Variants in CDH13 observed in about 807,000 individuals in gnomAD.
CDH13 encodes the protein cadherin-13.
CDH13 carries 24 observed loss-of-function variants against 63.8 expected under a neutral mutation model. That is an observed-to-expected ratio of 0.38 (90% CI 0.27 to 0.53). The LOEUF (loss-of-function observed/expected upper bound fraction) is 0.53, where lower values mean the gene tolerates loss of function less well. Among genes scored for constraint, CDH13 ranks in the 20% least tolerant of loss-of-function variants. The pLI, the probability that CDH13 is intolerant of heterozygous loss-of-function variation, is 0.85. For missense variants in CDH13, 1,049 were observed against 903.1 expected, an observed-to-expected ratio of 1.16 and a Z score of -2.07; for synonymous variants, 503 against 355.3, an observed-to-expected ratio of 1.42 and a Z score of -4.67.
intron 7 of CDH13, among the ~76,000 whole-genome samples, chr16:83,580,227 TTAA>T (rs1424013498): frequency 6.6e-6 from 1 of 152,070 alleles, no homozygotes; most frequent in African/African-American, 2.4e-5. Context: ...CAAGATCATT[TTAA>T]TAAATATGTG....
chr16:83,131,115 C>T (rs909808245), intron 4 of CDH13, among the ~76,000 whole-genome samples: 2 of 147,692 alleles, frequency 1.4e-5, no homozygotes, highest in Admixed American at 1.4e-4. Flanking sequence ...AATCATATTA[C>T]AACCCTGAGA....
At chr16:83,770,973 T>C (rs1378261835) in intron 11 of CDH13, among the ~76,000 whole-genome samples, 1 of 152,194 alleles carries the variant, frequency 6.6e-6, no homozygotes, top group African/African-American at 2.4e-5. Flanking sequence ...GTTGCTCTGA[T>C]TTCAATGCCT....
chr16:82,651,683 G>C (rs191509980), intron 1 of CDH13, among the ~76,000 whole-genome samples: 13 of 152,328 alleles, frequency 8.5e-5, no homozygotes, highest in African/African-American at 2.4e-4. Flanking sequence ...TTGGAACAAA[G>C]CCACTCAGGC....
At chr16:83,008,649 G>T (rs978080970) in intron 2 of CDH13, among the ~76,000 whole-genome samples, 6 of 152,192 alleles carry the variant, frequency 3.9e-5, no homozygotes, top group Non-Finnish European at 8.8e-5. Context: ...GGGTGTGGGA[G>T]ATGGGTGGAT....
chr16:83,781,815 C>A (rs1037011470), intron 12 of CDH13, among the ~76,000 whole-genome samples: 1 of 151,618 alleles, frequency 6.6e-6, no homozygotes, highest in Non-Finnish European at 1.5e-5. Flanking sequence ...ATAGCCAGTG[C>A]ATGTGGGGCT....
At chr16:83,020,774 A>C (rs139738510) in intron 2 of CDH13, among the ~76,000 whole-genome samples, 3 of 152,258 alleles carry the variant, frequency 2.0e-5, no homozygotes, top group Non-Finnish European at 4.4e-5. Context: ...CTTCCTCCCC[A>C]GGTATATCTG....
At chr16:83,522,177 T>C (rs1384685722) in intron 7 of CDH13, among the ~76,000 whole-genome samples, 1 of 152,230 alleles carries the variant, frequency 6.6e-6, no homozygotes, top group African/African-American at 2.4e-5. Context: ...TTTAATGTCA[T>C]GTTTAATGCC....
chr16:83,362,626 C>T (rs2091183814), intron 6 of CDH13, among the ~76,000 whole-genome samples: 1 of 152,192 alleles, frequency 6.6e-6, no homozygotes, highest in Non-Finnish European at 1.5e-5. Context: ...TCAGAAAGGT[C>T]AACACCCATA....
At chr16:83,353,313 A>G (rs747216800) in intron 6 of CDH13, among the ~76,000 whole-genome samples, 1 of 152,260 alleles carries the variant, frequency 6.6e-6, no homozygotes, top group Admixed American at 6.5e-5. Context: ...GAACCAAGAC[A>G]GTCGGCTCCC....
chr16:83,410,898 C>A (rs1482788068), intron 6 of CDH13, among the ~76,000 whole-genome samples: 8 of 152,198 alleles, frequency 5.3e-5, no homozygotes, highest in Non-Finnish European at 1.2e-4. Flanking sequence ...ATTGAAACAT[C>A]AAGACTGAAG....
intron 1 of CDH13, among the ~76,000 whole-genome samples, chr16:82,840,859 A>T (rs1367464224): frequency 6.6e-6 from 1 of 152,040 alleles, no homozygotes; most frequent in Non-Finnish European, 1.5e-5. Flanking sequence ...TTCAAGGAAG[A>T]CTCTTTTCCT....
intron 3 of CDH13, among the ~76,000 whole-genome samples, chr16:83,122,783 T>C (rs1202481520): frequency 2.0e-5 from 3 of 152,036 alleles, no homozygotes; most frequent in African/African-American, 7.2e-5. Flanking sequence ...ATCGGAAGAG[T>C]ATCTAAAAAG....
chr16:83,265,553 A>T (rs1907506176), intron 5 of CDH13, among the ~76,000 whole-genome samples: 1 of 151,910 alleles, frequency 6.6e-6, no homozygotes, highest in South Asian at 2.1e-4. Flanking sequence ...ATTATTGTTT[A>T]ATCTTTGCCA....
chr16:83,003,546 T>G (rs1913165736), intron 2 of CDH13, among the ~76,000 whole-genome samples: 1 of 152,178 alleles, frequency 6.6e-6, no homozygotes, highest in African/African-American at 2.4e-5. Context: ...AAGAAGGAGC[T>G]TTATTTCATA....
chr16:82,821,469 C>G (rs74812314), intron 1 of CDH13, among the ~76,000 whole-genome samples: 3,879 of 152,294 alleles, frequency 0.025, 183 homozygotes, highest in African/African-American at 0.089. Flanking sequence ...GCAAGTCTGG[C>G]TCTAGATGCA....
intron 6 of CDH13, among the ~76,000 whole-genome samples, chr16:83,379,909 A>ATATGTG (rs372293088): frequency 0.11 from 13,233 of 122,122 alleles, 853 homozygotes; most frequent in Middle Eastern, 0.16. Context: ...TGTATTATAT[A>ATATGTG]TGTGTGTGTG....
chr16:83,326,950 A>G (rs2090376401), intron 5 of CDH13, among the ~76,000 whole-genome samples: 1 of 152,188 alleles, frequency 6.6e-6, no homozygotes, highest in African/African-American at 2.4e-5. Context: ...AACTAACAGA[A>G]TGCATCTCAT....
At chr16:83,792,806 T>A (rs1268881646) in intron 13 of CDH13, among the ~76,000 whole-genome samples, 1 of 152,246 alleles carries the variant, frequency 6.6e-6, no homozygotes, top group African/African-American at 2.4e-5. Context: ...CAAAACAACA[T>A]CTTAACATTC....
intron 5 of CDH13, among the ~76,000 whole-genome samples, chr16:83,221,922 A>C (rs915657193): frequency 6.6e-6 from 1 of 152,228 alleles, no homozygotes; most frequent in Non-Finnish European, 1.5e-5. Context: ...CAGACCTATG[A>C]AAATGGTTAT....
Sources: gnomAD v4.1 joint callset for allele counts (sites outside exome capture counted in the v4.1 genomes callset) on GRCh38, gnomAD v4.1.1 for gene constraint, MANE v1.5 for transcripts, NCBI Gene and HGNC (gene_info 2026-07-23, HGNC 2026-07-21) for gene names.